The following RAD51B variants were observed in gnomAD, a reference collection of about 807,000 sequenced individuals.
The protein encoded by RAD51B is DNA repair protein RAD51 homolog 2.
A neutral mutation model predicts 42.2 loss-of-function variants in RAD51B; 38 were observed. The observed-to-expected ratio is 0.90, with a 90% CI of 0.70 to 1.18. The LOEUF (loss-of-function observed/expected upper bound fraction) is 1.18, where lower values mean the gene tolerates loss of function less well. Among genes scored for constraint, RAD51B ranks in the 50% most tolerant of loss-of-function variants. The probability of loss-of-function intolerance (pLI) is 0.00; values close to 1 mark genes in which losing one functional copy is unlikely to be tolerated. For missense variants in RAD51B, 373 were observed against 400.7 expected (o/e 0.93, Z 0.59); for synonymous variants, 154 against 145.2 (o/e 1.06, Z -0.43).
chr14:68,624,836 A>G (rs1892037889), intron 10 of RAD51B, among the ~76,000 whole-genome samples: 1 of 151,994 alleles, frequency 6.6e-6, no homozygotes, highest in African/African-American at 2.4e-5. Context: ...AGTTACTTGG[A>G]CCTTGCAGAT....
intron 7 of RAD51B, among the ~76,000 whole-genome samples, chr14:67,995,911 C>G (rs1846912060): frequency 6.6e-6 from 1 of 152,114 alleles, no homozygotes; most frequent in Non-Finnish European, 1.5e-5. Flanking sequence ...GCCACCGCGC[C>G]CGGCCTATAT....
intron 7 of RAD51B, among the ~76,000 whole-genome samples, chr14:68,202,513 A>C (rs1414140277): frequency 6.7e-6 from 1 of 149,298 alleles, no homozygotes; most frequent in Non-Finnish European, 1.5e-5. Flanking sequence ...CAGCACCTTC[A>C]CCAGGAGTAG....
chr14:68,239,476 C>A (rs1782520045), intron 7 of RAD51B, among the ~76,000 whole-genome samples: 1 of 152,082 alleles, frequency 6.6e-6, no homozygotes, highest in East Asian at 1.9e-4. Flanking sequence ...GCCTCAGCCT[C>A]TACTTCCCAA....
intron 10 of RAD51B, among the ~76,000 whole-genome samples, chr14:68,487,054 A>G (rs796598174): frequency 1.3e-4 from 20 of 152,322 alleles, no homozygotes; most frequent in African/African-American, 4.8e-4. Context: ...GGTGAAAGGG[A>G]GTGAAAAGGC....
intron 9 of RAD51B, among the ~76,000 whole-genome samples, chr14:68,466,539 G>T (rs2085991547): frequency 6.6e-6 from 1 of 152,208 alleles, no homozygotes; most frequent in Non-Finnish European, 1.5e-5. Flanking sequence ...GGGAGACACT[G>T]ATGCTCTCTG....
At chr14:68,574,504 G>A (rs1366462570) in intron 10 of RAD51B, among the ~76,000 whole-genome samples, 1 of 152,156 alleles carries the variant, frequency 6.6e-6, no homozygotes, top group Non-Finnish European at 1.5e-5. Flanking sequence ...AGACATCTTT[G>A]TGGATCTCTA....
At chr14:67,873,940 G>C (rs1300546102) in intron 5 of RAD51B, among the ~76,000 whole-genome samples, 1 of 144,912 alleles carries the variant, frequency 6.9e-6, no homozygotes, top group Non-Finnish European at 1.5e-5. Context: ...GACTGTTGTG[G>C]GGTAGGGGGA....
chr14:68,318,782 G>A (rs188177814), intron 8 of RAD51B, among the ~76,000 whole-genome samples: 1 of 152,104 alleles, frequency 6.6e-6, no homozygotes, highest in Non-Finnish European at 1.5e-5. Context: ...CATTGAACCC[G>A]CCAAAGAAAA....
chr14:67,940,056 T>TATATA (rs1566969343), intron 7 of RAD51B, among the ~76,000 whole-genome samples: 32 of 8,640 alleles, frequency 3.7e-3, no homozygotes, highest in East Asian at 5.5e-3. Context: ...ATATATATAT[T>TATATA]TTTTTTTTTT....
Position 68,284,081 on chromosome 14 carries a change from A to C in RAD51B, c.757-7803A>C, listed in dbSNP as rs138785069. Among the ~76,000 whole-genome samples the C allele has an allele frequency of 2.8e-3, 419 of 152,192 alleles. 1 individual carries two copies. The highest frequency in any genetic ancestry group is 9.4e-3 in the African/African-American group (389 of 41,504). ...CTCAGACTGAGCCACTCTCTTCTTT[A>C]GGGGCTCCCCTACTAGGCAGAGTGT... On this transcript the variant is annotated intron_variant, in intron 7 of 10. Coordinates refer to ENST00000471583, the MANE Select transcript of RAD51B (RefSeq NM_133510.4).
At chr14:68,668,178 C>T (rs1172510828) in intron 11 of RAD51B, among the ~76,000 whole-genome samples, 4 of 152,180 alleles carry the variant, frequency 2.6e-5, no homozygotes, top group Non-Finnish European at 4.4e-5. Context: ...TGACATCAAC[C>T]CTGGGGTCAC....
chr14:68,520,081 A>G (rs1315997129), intron 10 of RAD51B, among the ~76,000 whole-genome samples: 4 of 151,594 alleles, frequency 2.6e-5, no homozygotes, highest in Non-Finnish European at 5.9e-5. Flanking sequence ...TGGGGTTTGG[A>G]CCCCAATTTT....
In RAD51B at chr14:68,573,257, C is replaced by T. The variant is rs537621346; in HGVS notation, c.1037-21228C>T. 1.7e-3 allele frequency among the ~76,000 whole-genome samples: 258 copies of T among 152,270 alleles called. 1 individual carries two copies. Among genetic ancestry groups the T allele is most frequent in the Middle Eastern group, 6.8e-3 (2 of 294 alleles). ...CATGTGGCCCACAGGCCCACGTGGT[C>T]GAGCCCTGCTCCTTCTCTACCCCAC... is the stretch of plus-strand genomic sequence containing the variant. On this transcript the variant is annotated intron_variant, in intron 10 of 10. Transcript: ENST00000487270.
chr14:68,047,531 CT>C (rs2076322330), intron 7 of RAD51B, among the ~76,000 whole-genome samples: 1 of 152,120 alleles, frequency 6.6e-6, no homozygotes, highest in Non-Finnish European at 1.5e-5. Flanking sequence ...AAGTGTGTTT[CT>C]TTCTAATCTT....
Position 68,433,681 on chromosome 14 carries a change from G to A in RAD51B, c.957+22154G>A, listed in dbSNP as rs528840157. 1.5e-4 allele frequency among the ~76,000 whole-genome samples: 23 copies of A among 152,280 alleles called. No individual in the cohort carries two copies. The South Asian group carries it at 3.3e-3, about 22-fold the overall frequency. On this transcript the variant is annotated intron_variant, in intron 9 of 10. Transcript: ENST00000471583. ...TTTTCAAGGTTTTTAGCTTCTTTGC[G>A]ATGGGCTTGAACTTCCTCCTTTAGC...
At chr14:68,256,598 C>A (rs17105266) in intron 7 of RAD51B, among the ~76,000 whole-genome samples, 1 of 152,140 alleles carries the variant, frequency 6.6e-6, no homozygotes, top group Non-Finnish European at 1.5e-5. Flanking sequence ...GTTGATCTGT[C>A]GTGACATCCT....
chr14:68,472,119 G>C (rs1333855940), intron 10 of RAD51B: 1 of 152,476 alleles, frequency 6.6e-6, no homozygotes. Context: ...CTAGTGGAGA[G>C]GTAAGAGCAG....
intron 7 of RAD51B, among the ~76,000 whole-genome samples, chr14:68,063,713 C>T (rs191199448): frequency 5.6e-4 from 85 of 151,982 alleles, no homozygotes; most frequent in African/African-American, 1.8e-3. Flanking sequence ...TCCAGCCTGG[C>T]GACAGAATGA....
chr14:68,121,493 G>A (rs1379933674), intron 7 of RAD51B, among the ~76,000 whole-genome samples: 1 of 152,078 alleles, frequency 6.6e-6, no homozygotes, highest in Non-Finnish European at 1.5e-5. Flanking sequence ...CCTTAGCTTG[G>A]TAAGTGCCCT....
Sources: gnomAD v4.1 joint callset for allele counts (sites outside exome capture counted in the v4.1 genomes callset) on GRCh38, gnomAD v4.1.1 for gene constraint, MANE v1.5 for transcripts, NCBI Gene and HGNC (gene_info 2026-07-23, HGNC 2026-07-21) for gene names.